The following LRP1B variants were observed in gnomAD, a reference collection of about 807,000 sequenced individuals.
LRP1B encodes the protein low-density lipoprotein receptor-related protein 1B.
In LRP1B, 217 loss-of-function variants were observed where a neutral mutation model predicts 556.6. The ratio of observed to expected loss-of-function variants is 0.39; its 90% confidence interval spans 0.35 to 0.44. LRP1B has a LOEUF of 0.44. LRP1B is among the 20% of genes least tolerant of loss of function. The pLI, the probability that LRP1B is intolerant of heterozygous loss-of-function variation, is 1.00. For missense variants in LRP1B, 5,053 were observed against 5,620.8 expected (o/e 0.90, Z 3.23); for synonymous variants, 2,047 against 1,865.8 (o/e 1.10, Z -2.50).
At chr2:140,684,108 A>C (rs1439706531) in intron 41 of LRP1B, among the ~76,000 whole-genome samples, 1 of 152,226 alleles carries the variant, frequency 6.6e-6, no homozygotes, top group African/African-American at 2.4e-5. Flanking sequence ...TGAGAAAAAA[A>C]TGACGGAATC....
intron 2 of LRP1B, among the ~76,000 whole-genome samples, chr2:141,712,008 G>T (rs762749963): frequency 2.0e-5 from 3 of 151,796 alleles, no homozygotes; most frequent in Admixed American, 6.6e-5. Context: ...TGGGGAAAAT[G>T]AGCCCTAATT....
At chr2:140,244,276 T>C (rs1240027415) in intron 87 of LRP1B, among the ~76,000 whole-genome samples, 1 of 151,290 alleles carries the variant, frequency 6.6e-6, no homozygotes, top group African/African-American at 2.4e-5. Flanking sequence ...TAATGGATGA[T>C]ACAAAATGAT....
chr2:141,487,859 G>A (rs116982504), intron 2 of LRP1B, among the ~76,000 whole-genome samples: 96 of 152,196 alleles, frequency 6.3e-4, no homozygotes, highest in African/African-American at 2.2e-3. Flanking sequence ...TTGAATCTGA[G>A]TTTCAACAGC....
intron 3 of LRP1B, among the ~76,000 whole-genome samples, chr2:141,393,241 A>G (rs1184136176): frequency 6.6e-6 from 1 of 152,066 alleles, no homozygotes; most frequent in African/African-American, 2.4e-5. Context: ...ACACACACAC[A>G]AACACACAAC....
chr2:141,866,076 G>C (rs1009794682), intron 1 of LRP1B, among the ~76,000 whole-genome samples: 2 of 152,200 alleles, frequency 1.3e-5, no homozygotes, highest in African/African-American at 4.8e-5. Flanking sequence ...GTGTGTCCTT[G>C]AGGATTTTAG....
At chr2:140,803,514 G>A (rs1045778591) in intron 32 of LRP1B, among the ~76,000 whole-genome samples, 1 of 151,712 alleles carries the variant, frequency 6.6e-6, no homozygotes, top group Admixed American at 6.6e-5. Flanking sequence ...TAGCCAGGAT[G>A]GTCTCCATCT....
intron 27 of LRP1B, among the ~76,000 whole-genome samples, chr2:140,854,175 TC>T (rs1177368518): frequency 6.6e-6 from 1 of 152,168 alleles, no homozygotes; most frequent in Non-Finnish European, 1.5e-5. Flanking sequence ...AAATGCTATT[TC>T]TCAGGAAAAT....
At chr2:140,444,504 CAGACAT>C (rs1301536333) in intron 64 of LRP1B, 53 bp downstream of exon 64, 6 of 1,612,450 alleles carry the variant, frequency 3.7e-6, no homozygotes, top group African/African-American at 2.7e-5. Context: ...TAAAATCACA[CAGACAT>C]AATCAGTTGA....
At chr2:141,029,325 T>G (rs1164245548) in intron 11 of LRP1B, among the ~76,000 whole-genome samples, 1 of 152,138 alleles carries the variant, frequency 6.6e-6, no homozygotes, top group Non-Finnish European at 1.5e-5. Flanking sequence ...GACTTGTACT[T>G]ATTTTCAAGG....
At position 140,895,942 on chromosome 2, in the gene LRP1B, G is replaced by C. The variant is rs564022398; in HGVS notation, c.3766+6978C>G. Among the ~76,000 whole-genome samples, 5 of 152,198 alleles carry C rather than the reference G, an allele frequency of 3.3e-5. 1 individual carries two copies. Among genetic ancestry groups the C allele is most frequent in the South Asian group, 2.1e-4 (1 of 4,822 alleles). On this transcript the variant is annotated intron_variant, in intron 23 of 90. Coordinates refer to ENST00000389484, the MANE Select transcript of LRP1B (RefSeq NM_018557.3). ...GTTTTCATGAGTACAGGATGGAGGT[G>C]GGGGGCAGGGTGGGCCAAGGTGGTT...
At chr2:141,287,611 T>C (rs1685769911) in intron 3 of LRP1B, among the ~76,000 whole-genome samples, 1 of 152,238 alleles carries the variant, frequency 6.6e-6, no homozygotes, top group African/African-American at 2.4e-5. Context: ...GTTTCTTCTT[T>C]GATCAATACA....
chr2:141,155,057 T>C (rs2105094698), intron 7 of LRP1B, among the ~76,000 whole-genome samples: 2 of 152,040 alleles, frequency 1.3e-5, no homozygotes, highest in South Asian at 2.1e-4. Context: ...CTAAAGAGTA[T>C]AAAAATTCAT....
At chr2:141,816,193 A>G (rs1696540543) in intron 1 of LRP1B, among the ~76,000 whole-genome samples, 1 of 152,184 alleles carries the variant, frequency 6.6e-6, no homozygotes, top group Non-Finnish European at 1.5e-5. Context: ...GATGGCTAAT[A>G]CTGTCAACTT....
chr2:140,741,134 C>T (rs568307091), intron 35 of LRP1B, among the ~76,000 whole-genome samples: 16 of 152,042 alleles, frequency 1.1e-4, no homozygotes, highest in Non-Finnish European at 2.1e-4. Flanking sequence ...GCTCAATGAC[C>T]ACCATTCTTT....
chr2:141,746,176 C>T (rs553906241), intron 2 of LRP1B, among the ~76,000 whole-genome samples: 1 of 152,064 alleles, frequency 6.6e-6, no homozygotes, highest in Non-Finnish European at 1.5e-5. Context: ...AGCGTGCCCC[C>T]AAGTCCACTG....
chr2:141,441,059 T>A lies in LRP1B; in HGVS notation c.343+39337A>T, dbSNP rs547729906. Reference sequence around the variant, plus strand: ...GTGTGAGGCTGAGAAGCCCTGATTTTTTTTTTATTTTTTATTTTTTATTTT... The same window carrying A: ...GTGTGAGGCTGAGAAGCCCTGATTTATTTTTTATTTTTTATTTTTTATTTT... On this transcript the variant is annotated intron_variant, in intron 3 of 90. Transcript: ENST00000389484. Among the ~76,000 whole-genome samples the A allele has an allele frequency of 8.5e-5, 13 of 152,194 alleles. No homozygotes were observed. In the East Asian group the frequency reaches 9.7e-4, roughly 11 times the overall value.
At chr2:141,437,220 C>T (rs1325231406) in intron 3 of LRP1B, among the ~76,000 whole-genome samples, 4 of 151,968 alleles carry the variant, frequency 2.6e-5, no homozygotes, top group Non-Finnish European at 5.9e-5. Flanking sequence ...TGTTCTTTCC[C>T]CTTCTGTGTC....
intron 43 of LRP1B, among the ~76,000 whole-genome samples, chr2:140,574,516 C>T (rs1467802442): frequency 6.6e-6 from 1 of 152,100 alleles, no homozygotes; most frequent in African/African-American, 2.4e-5. Flanking sequence ...ATTATGAATA[C>T]ATTCTGTGTA....
chr2:141,783,817 T>A (rs1026994229), intron 2 of LRP1B, among the ~76,000 whole-genome samples: 1 of 151,832 alleles, frequency 6.6e-6, no homozygotes, highest in African/African-American at 2.4e-5. Flanking sequence ...CAATTACTAA[T>A]AACATATCAA....
Sources: allele counts gnomAD v4.1 joint callset (sites outside exome capture counted in the v4.1 genomes callset), GRCh38; gene constraint gnomAD v4.1.1; transcripts MANE v1.5; gene names NCBI Gene and HGNC (gene_info 2026-07-23, HGNC 2026-07-21).